Variants in PAK6 observed in about 807,000 individuals in gnomAD.
PAK6 encodes p21 (RAC1) activated kinase 6.
A neutral mutation model predicts 60.8 loss-of-function variants in PAK6; 33 were observed. The ratio of observed to expected loss-of-function variants is 0.54; its 90% CI spans 0.41 to 0.73. The LOEUF is 0.73. Ranked by LOEUF, PAK6 falls within the 30% of genes least tolerant of loss-of-function variation. The pLI is 0.00. For missense variants in PAK6, 845 were observed against 904.1 expected (o/e 0.93, Z 0.84); for synonymous variants, 404 against 378.5 (o/e 1.07, Z -0.78).
exon 8 of PAK6, chr15:40,273,356 G>C (rs377397005): frequency 6.2e-7 from 1 of 1,613,800 alleles, no homozygotes; most frequent in Admixed American, 1.7e-5. Flanking sequence ...GCTGAATGAG[G>C]AGCAGATTGC....
intron 2 of PAK6, among the ~76,000 whole-genome samples, chr15:40,242,661 G>A (rs1566840773): frequency 6.6e-6 from 1 of 152,166 alleles, no homozygotes; most frequent in African/African-American, 2.4e-5. Flanking sequence ...TGGCCCTCCT[G>A]CCCAGGGCGA....
chr15:40,266,255 C>A (rs748962123), exon 5 of PAK6: 3 of 1,610,740 alleles, frequency 1.9e-6, no homozygotes, highest in Non-Finnish European at 2.5e-6. Flanking sequence ...CACCAGGAGC[C>A]TCGCCCCCCA....
rs377308100 is a variant in PAK6 at position 40,245,665 on chromosome 15, G to C, written c.-118+4984G>C. On this transcript the variant is annotated intron_variant, in intron 2 of 10. Coordinates refer to ENST00000560346, the Ensembl canonical transcript of PAK6. ...ACATTCAAGCCAAAGGGAGTCCCCG[G>C]AGGATGTTTCGTCCAGCCCCCATAA... 2.0e-5 allele frequency: 3 copies of C among 152,452 alleles called. No individual in the cohort carries two copies. In the South Asian group the frequency reaches 6.2e-4, roughly 32 times the overall value. The allele number at this position is 152,452 out of a possible 1,614,324, so 9.4% of individuals were successfully genotyped here.
intron 10 of PAK6, 30 bp downstream of exon 10, chr15:40,274,306 C>A: frequency 6.4e-7 from 1 of 1,562,502 alleles, no homozygotes; most frequent in Non-Finnish European, 8.7e-7. Flanking sequence ...TGCGACCTCG[C>A]AGACCCCATT....
intron 3 of PAK6, chr15:40,263,781 A>ATTTC (rs2039044884): frequency 2.5e-6 from 1 of 397,882 alleles, no homozygotes; most frequent in Non-Finnish European, 5.2e-6. Context: ...GGCCCGGCTA[A>ATTTC]TTTCTTTGTA....
At chr15:40,258,707 C>G (rs1037256720) in intron 3 of PAK6, 3 of 152,364 alleles carry the variant, frequency 2.0e-5, no homozygotes, top group African/African-American at 4.8e-5. Flanking sequence ...CAGGAACCGT[C>G]GGTCCCCACT....
chr15:40,267,043 G>A (rs144405248), intron 5 of PAK6: 1 of 153,100 alleles, frequency 6.5e-6, no homozygotes, highest in East Asian at 1.9e-4. Flanking sequence ...GAGAAGGAAG[G>A]TGGGGAGTGC....
At chr15:40,272,748 G>C (rs763491610) in intron 6 of PAK6, 27 bp downstream of exon 6, 1 of 1,576,950 alleles carries the variant, frequency 6.3e-7, no homozygotes, top group Admixed American at 1.7e-5. Context: ...GGACACAGAC[G>C]GGGGCGTTGG....
intron 6 of PAK6, 56 bp from the exon 7 acceptor site, chr15:40,272,810 G>T: frequency 2.5e-6 from 4 of 1,596,606 alleles, no homozygotes; most frequent in Non-Finnish European, 3.4e-6. Context: ...CAGGGGCAGT[G>T]GGTGGCCATG....
At chr15:40,262,770 C>T (rs1311397881) in intron 3 of PAK6, among the ~76,000 whole-genome samples, 3 of 152,228 alleles carry the variant, frequency 2.0e-5, no homozygotes, top group Admixed American at 2.0e-4. Flanking sequence ...ACAAGAGAAA[C>T]AACCGTCATG....
intron 3 of PAK6, chr15:40,257,224 G>T: frequency 6.5e-6 from 1 of 152,740 alleles, no homozygotes; most frequent in Non-Finnish European, 1.5e-5. Context: ...AAATGGCAGG[G>T]AATTCCACCA....
At chr15:40,264,117 C>T (rs958491385) in intron 3 of PAK6, among the ~76,000 whole-genome samples, 1 of 152,042 alleles carries the variant, frequency 6.6e-6, no homozygotes, top group South Asian at 2.1e-4. Context: ...CTCCCTGATA[C>T]ATAATAGTCC....
In PAK6 at chr15:40,260,881, T is replaced by G. The variant is rs144558863; in HGVS notation, c.-5-3900T>G. ...TGTATTTTTAATGTAAAATGATATC[T>G]TTTTAAAAATTTCATTTTTTTTTTT... On this transcript the variant is annotated intron_variant, in intron 3 of 10. Transcript: ENST00000560346. 7.1e-3 allele frequency among the ~76,000 whole-genome samples: 945 copies of G among 133,424 alleles called. 11 individuals are homozygous for G. The highest frequency in any genetic ancestry group is 0.024 in the African/African-American group (882 of 37,042). The allele number at this position is 133,424 out of a possible 152,430, so 87.5% of individuals were successfully genotyped here. A position where few individuals can be genotyped will look rare whatever the true frequency, so the allele number is the denominator to read the frequency against.
At chr15:40,268,849 T>C (rs1234379937) in intron 5 of PAK6, among the ~76,000 whole-genome samples, 1 of 152,172 alleles carries the variant, frequency 6.6e-6, no homozygotes, top group Non-Finnish European at 1.5e-5. Flanking sequence ...TACTCCGATA[T>C]ATGTCAAGGA....
At chr15:40,266,607 C>T (rs549102725) in intron 5 of PAK6, 112 bp downstream of exon 5, 18 of 1,102,960 alleles carry the variant, frequency 1.6e-5, no homozygotes, top group Middle Eastern at 4.3e-4. Context: ...GGACTGCTTC[C>T]GCCTAAGGCG....
chr15:40,263,218 C>CG (rs2039029415), intron 3 of PAK6, among the ~76,000 whole-genome samples: 1 of 152,190 alleles, frequency 6.6e-6, no homozygotes, highest in African/African-American at 2.4e-5. Flanking sequence ...GAGAACATGA[C>CG]GGCCCTGCAC....
chr15:40,249,199 G>A (rs1351773597), intron 2 of PAK6, among the ~76,000 whole-genome samples: 2 of 152,088 alleles, frequency 1.3e-5, no homozygotes, highest in Non-Finnish European at 2.9e-5. Context: ...ATTCATGAGG[G>A]CTCTGCTTTC....
chr15:40,249,378 C>G (rs2038596271), intron 2 of PAK6, among the ~76,000 whole-genome samples: 2 of 152,332 alleles, frequency 1.3e-5, no homozygotes, highest in South Asian at 4.1e-4. Flanking sequence ...TCTTTAACCA[C>G]TCCGAGCCTC....
At chr15:40,255,296 C>T (rs2140961498) in intron 3 of PAK6, among the ~76,000 whole-genome samples, 1 of 152,316 alleles carries the variant, frequency 6.6e-6, no homozygotes, top group South Asian at 2.1e-4. Context: ...TTATCTCTCC[C>T]CTGGGGATTC....
Sources: allele counts gnomAD v4.1 joint callset (sites outside exome capture counted in the v4.1 genomes callset), GRCh38; gene constraint gnomAD v4.1.1; transcripts MANE v1.5; gene names NCBI Gene and HGNC (gene_info 2026-07-23, HGNC 2026-07-21).